CELF2: variants seen among roughly 807,000 people sequenced by gnomAD.
CELF2 encodes the protein CUGBP Elav-like family member 2, also known as CUG triplet repeat RNA-binding protein 2.
CELF2 carries 8 observed loss-of-function variants against 62.6 expected under a neutral mutation model. The observed-to-expected ratio is 0.13, with a 90% CI of 0.07 to 0.23. The LOEUF is 0.23. Ranked by LOEUF, CELF2 falls within the 10% of genes least tolerant of loss-of-function variation. The probability of loss-of-function intolerance (pLI) is 1.00; values close to 1 mark genes in which losing one functional copy is unlikely to be tolerated. For synonymous variants in CELF2, 258 were observed against 250.0 expected (o/e 1.03, Z -0.30); for missense variants, 333 against 671.0 (o/e 0.50, Z 5.56).
chr10:10,762,704 C>T, the CELF2 span, among the ~76,000 whole-genome samples: 1 of 152,162 alleles, frequency 6.6e-6, no homozygotes, highest in Non-Finnish European at 1.5e-5. Flanking sequence ...AGCACTTACC[C>T]TCTATGGTGA....
Position 10,959,303 on chromosome 10 carries a change from G to C in CELF2, c.89+39304G>C, listed in dbSNP as rs539322845. On this transcript the variant is annotated intron_variant, in intron 2 of 13. Transcript: ENST00000636488. ...CTCAGAGAAAAATAAAAAAGTCTTG[G>C]ATCCATTTTGATGCCTTTTGTGGCA... 6.6e-5 allele frequency among the ~76,000 whole-genome samples: 10 copies of C among 152,168 alleles called. 1 individual carries two copies. In the South Asian group the frequency reaches 2.1e-3, roughly 32 times the overall value.
the CELF2 span, among the ~76,000 whole-genome samples, chr10:10,712,173 A>AAT: frequency 4.1e-4 from 61 of 149,486 alleles, no homozygotes; most frequent in East Asian, 9.7e-3. Context: ...AAAAAAAAAA[A>AAT]CTGGAATCTC....
chr10:10,803,218 C>G (rs534147096), intron 1 of CELF2, among the ~76,000 whole-genome samples: 2 of 152,188 alleles, frequency 1.3e-5, no homozygotes, highest in Non-Finnish European at 2.9e-5. Flanking sequence ...GCATTACAAA[C>G]GCCATAAATC....
chr10:11,255,946 G>T lies in CELF2; in HGVS notation c.404-1792G>T, dbSNP rs1239060400. ...CTGAACTTGGAGGAGACACAGCAGG[G>T]GAAGGAATCCTTGGCTGGGAGGAGG... On this transcript the variant is annotated intron_variant, in intron 4 of 12. Coordinates refer to ENST00000633077, the MANE Select transcript of CELF2 (RefSeq NM_001326342.2). This position sits in a 1 kb window ranked among gnomAD's most constrained non-coding sequence, Gnocchi z 5.5. Among the ~76,000 whole-genome samples, 1 of 152,160 alleles carries T rather than the reference G, an allele frequency of 6.6e-6. No individual in the cohort carries two copies. The highest frequency in any genetic ancestry group is 2.4e-5 in the African/African-American group (1 of 41,434).
chr10:11,301,035 G>C (rs138881312), intron 9 of CELF2, among the ~76,000 whole-genome samples: 4 of 152,164 alleles, frequency 2.6e-5, no homozygotes, highest in Non-Finnish European at 5.9e-5. Context: ...TAATGCATTT[G>C]TTCCTAGAAA....
chr10:10,754,416 T>C, the CELF2 span, among the ~76,000 whole-genome samples: 1 of 152,046 alleles, frequency 6.6e-6, no homozygotes, highest in Non-Finnish European at 1.5e-5. Flanking sequence ...CCTCCCAAAG[T>C]GCTGGGATTC....
At chr10:10,801,968 C>T (rs2054707173) in intron 1 of CELF2, among the ~76,000 whole-genome samples, 1 of 152,084 alleles carries the variant, frequency 6.6e-6, no homozygotes, top group Admixed American at 6.5e-5. Context: ...AGTGCTACTG[C>T]CTGTGTTTTA....
At chr10:11,261,796 G>A (rs11257036) in intron 5 of CELF2, among the ~76,000 whole-genome samples, 50,769 of 152,150 alleles carry the variant, frequency 0.33, 9,169 homozygotes, top group East Asian at 0.56. Context: ...TGGAGAAAAG[G>A]AGCAGGATGC....
chr10:11,086,600 A>AC (rs1329913375), intron 1 of CELF2, among the ~76,000 whole-genome samples: 3 of 140,698 alleles, frequency 2.1e-5, no homozygotes, highest in Non-Finnish European at 3.1e-5. Flanking sequence ...AAAAAAAAAA[A>AC]AAAAAAAAAA....
chr10:11,046,896 C>G lies in CELF2; in HGVS notation c.74+28733C>G, dbSNP rs2062949910. Among the ~76,000 whole-genome samples the G allele has an allele frequency of 6.6e-6, 1 of 152,132 alleles. No individual in the cohort carries two copies. The highest frequency in any genetic ancestry group is 2.4e-5 in the African/African-American group (1 of 41,418). ...TGAGTCACTGGGGAGAAGAAAATTTCCAGAGATGTGATAGAAAACAAATTG... is the reference window on the plus strand; with the variant it reads ...TGAGTCACTGGGGAGAAGAAAATTTGCAGAGATGTGATAGAAAACAAATTG... On this transcript the variant is annotated intron_variant, in intron 1 of 12. Transcript: ENST00000633077. This position sits in a 1 kb window ranked among gnomAD's most constrained non-coding sequence, Gnocchi z 4.6.
intron 1 of CELF2, among the ~76,000 whole-genome samples, chr10:10,874,442 A>T (rs2060958980): frequency 9.1e-5 from 1 of 10,964 alleles, no homozygotes; most frequent in African/African-American, 4.5e-4. Context: ...AAAATGGTTA[A>T]AAAAAAAAAA....
At chr10:11,015,912 T>A (rs1329784701), upstream of CELF2, among the ~76,000 whole-genome samples, 2 of 151,764 alleles carry the variant, frequency 1.3e-5, no homozygotes, top group Non-Finnish European at 2.9e-5. This position sits in a 1 kb window ranked among gnomAD's most constrained non-coding sequence, Gnocchi z 4.8. Flanking sequence ...ATGAAACATG[T>A]TCTACCTTAT....
chr10:10,823,985 G>C (rs963986548), intron 1 of CELF2, among the ~76,000 whole-genome samples: 6 of 150,742 alleles, frequency 4.0e-5, no homozygotes, highest in Non-Finnish European at 4.4e-5. Flanking sequence ...TAGATAGATA[G>C]ATACATAGAT....
intron 1 of CELF2, among the ~76,000 whole-genome samples, chr10:11,048,546 G>C (rs183304262): frequency 2.6e-5 from 4 of 152,168 alleles, no homozygotes; most frequent in Non-Finnish European, 4.4e-5. Flanking sequence ...TCTACTTCCC[G>C]TGTAAGGAAT....
In CELF2 at chr10:11,334,088, C is replaced by T. The variant is rs941845227; in HGVS notation, c.*5035C>T. 2.7e-4 allele frequency: 41 copies of T among 152,600 alleles called. No homozygotes were observed. The highest frequency in any genetic ancestry group is 8.7e-4 in the African/African-American group (36 of 41,508). The allele number at this position is 152,600 out of a possible 1,614,324, so 9.5% of individuals were successfully genotyped here. ...TTAGAATTTTGTCTTAAAATAACAG[C>T]GGTAAGTTTCACTTTTTATTCTGTA... On this transcript the variant is annotated 3_prime_UTR_variant, in exon 13 of 13. Transcript: ENST00000633077.
At chr10:10,969,591 C>G (rs529413798) in intron 2 of CELF2, among the ~76,000 whole-genome samples, 2 of 152,294 alleles carry the variant, frequency 1.3e-5, no homozygotes, top group Admixed American at 6.5e-5. Context: ...TCTCCCTCCC[C>G]TCCCTCTCCC....
At chr10:10,910,338 G>A (rs1434921054) in intron 1 of CELF2, among the ~76,000 whole-genome samples, 1 of 152,012 alleles carries the variant, frequency 6.6e-6, no homozygotes, top group Non-Finnish European at 1.5e-5. Context: ...ACAAGCATAT[G>A]ATTTGAAAAA....
At chr10:11,105,348 A>G (rs2053123413) in intron 1 of CELF2, 1 of 152,176 alleles carries the variant, frequency 6.6e-6, no homozygotes, top group South Asian at 2.1e-4. Context: ...CATCCGTAGA[A>G]TGGAATAATT....
intron 1 of CELF2, among the ~76,000 whole-genome samples, chr10:10,826,098 A>C (rs923371518): frequency 2.0e-5 from 3 of 152,116 alleles, no homozygotes; most frequent in Admixed American, 6.5e-5. Flanking sequence ...AAGAGGGTTG[A>C]TTTCTAATAT....
Sources: allele counts gnomAD v4.1 joint callset (sites outside exome capture counted in the v4.1 genomes callset), GRCh38; gene constraint gnomAD v4.1.1; non-coding constraint Gnocchi (gnomAD v3.1); transcripts MANE v1.5; gene names NCBI Gene and HGNC (gene_info 2026-07-23, HGNC 2026-07-21).